Variants in UBE3B observed in about 807,000 individuals in gnomAD.
UBE3B encodes the protein ubiquitin protein ligase E3B, also known as ubiquitin-protein ligase E3B.
A neutral mutation model predicts 132.3 loss-of-function variants in UBE3B; 80 were observed. That is an observed-to-expected ratio of 0.60 (90% CI 0.50 to 0.73). The LOEUF (loss-of-function observed/expected upper bound fraction) is 0.73. UBE3B is among the 30% of genes least tolerant of loss of function. The pLI is 0.00. For synonymous variants in UBE3B, 487 were observed against 520.4 expected (o/e 0.94, Z 0.87); for missense variants, 1,196 against 1,362.5 (o/e 0.88, Z 1.92).
intron 8 of UBE3B, chr12:109,490,531 T>C: frequency 6.5e-7 from 1 of 1,536,078 alleles, no homozygotes; most frequent in Non-Finnish European, 8.7e-7. Context: ...CATATGCTCC[T>C]CACAACAACC....
intron 8 of UBE3B, 104 bp from the exon 9 acceptor site, chr12:109,490,941 A>G: frequency 7.8e-7 from 1 of 1,279,060 alleles, no homozygotes. Context: ...GGCTCACAAT[A>G]CAGTTTTTTT....
intron 27 of UBE3B, chr12:109,533,904 G>A (rs1301746677): frequency 7.5e-7 from 1 of 1,333,466 alleles, no homozygotes; most frequent in African/African-American, 1.5e-5. Flanking sequence ...GTGGGCTCAG[G>A]AGGCAGGCAG....
Position 109,534,789 on chromosome 12 carries a change from T to C in UBE3B, c.*7T>C. 6.7e-7 allele frequency: 1 copy of C among 1,498,104 alleles called. No individual in the cohort carries two copies. Among genetic ancestry groups the C allele is most frequent in the Non-Finnish European group, 8.9e-7 (1 of 1,121,772 alleles). 92.8% of individuals were successfully genotyped at this position (1,498,104 alleles called of 1,614,324 possible). On this transcript the variant is annotated 3_prime_UTR_variant, in exon 28 of 28. Transcript: ENST00000342494. The surrounding 1 kb of genome is among the most constrained non-coding windows in gnomAD (Gnocchi z 5.2). The stretch of plus-strand genomic sequence containing the variant: ...GGGCTTTGAACTCTCCTAGCTCCTG[T>C]CCCAGCCCTGCCTCCAGGGCTCCTG...
At chr12:109,497,748 G>T in intron 9 of UBE3B, 70 bp from the exon 10 acceptor site, 2 of 1,454,872 alleles carry the variant, frequency 1.4e-6, no homozygotes, top group Non-Finnish European at 1.9e-6. Context: ...TGAGCACGTT[G>T]GTGGGGTTGT....
rs1881988382 is a variant in UBE3B, at chr12:109,523,856, T to C, written c.2365-122T>C. On this transcript the variant is annotated intron_variant, in intron 21 of 27. Coordinates refer to ENST00000342494, the MANE Select transcript of UBE3B (RefSeq NM_130466.4). The stretch of plus-strand genomic sequence containing the variant: ...AGATACTGCCCTCCGGATTGGAAAC[T>C]TAGGAGGGGCCTGGAAATGCCGATG... 2.8e-6 allele frequency: 4 copies of C among 1,431,512 alleles called. No homozygotes were observed. In the South Asian group the frequency reaches 3.9e-5, roughly 14 times the overall value. 88.7% of individuals were successfully genotyped at this position (1,431,512 alleles called of 1,614,324 possible).
intron 27 of UBE3B, 87 bp downstream of exon 27, chr12:109,533,645 TC>T: frequency 7.8e-7 from 1 of 1,279,806 alleles, no homozygotes; most frequent in Non-Finnish European, 1.1e-6. Flanking sequence ...CCTTATCTAG[TC>T]CATATCTCAG....
intron 13 of UBE3B, among the ~76,000 whole-genome samples, chr12:109,502,682 C>T (rs1157415705): frequency 6.6e-6 from 1 of 152,016 alleles, no homozygotes; most frequent in Admixed American, 6.6e-5. Context: ...AGGGCCCCTG[C>T]CTTTGCCCCT....
chr12:109,494,263 A>C (rs190437547), intron 9 of UBE3B, among the ~76,000 whole-genome samples: 5 of 152,324 alleles, frequency 3.3e-5, no homozygotes, highest in African/African-American at 7.2e-5. Context: ...CTTTCTTCTT[A>C]TTCTTTGTAC....
At chr12:109,530,173 C>T in intron 25 of UBE3B, 101 bp downstream of exon 25, 1 of 1,343,352 alleles carries the variant, frequency 7.4e-7, no homozygotes. Flanking sequence ...AGGAGCCTGT[C>T]TCCAGATCTC....
At chr12:109,506,037 G>A (rs1879625349) in intron 14 of UBE3B, among the ~76,000 whole-genome samples, 1 of 152,156 alleles carries the variant, frequency 6.6e-6, no homozygotes, top group Non-Finnish European at 1.5e-5. Flanking sequence ...CCCGTGATGT[G>A]GCCTGTGTGT....
Position 109,535,815 on chromosome 12 carries a change from T to G in UBE3B, c.*1033T>G, listed in dbSNP as rs1197908696. On this transcript the variant is annotated 3_prime_UTR_variant, in exon 28 of 28. Transcript: ENST00000342494. ...GGCTCACACCCTCTGGGTTTTTTGT[T>G]TTTTTTTTAAACTTCATTTCTCTTC... The G allele has an allele frequency of 1.3e-5, 2 of 151,550 alleles. No individual in the cohort carries two copies. Among genetic ancestry groups the G allele is most frequent in the Non-Finnish European group, 2.9e-5 (2 of 67,868 alleles). The allele number at this position is 151,550 out of a possible 1,614,324, so 9.4% of individuals were successfully genotyped here.
intron 23 of UBE3B, among the ~76,000 whole-genome samples, chr12:109,524,996 T>C (rs1485110415): frequency 6.6e-6 from 1 of 152,012 alleles, no homozygotes; most frequent in Non-Finnish European, 1.5e-5. Context: ...CCGCGCCCTT[T>C]GATTGTGTCC....
intron 24 of UBE3B, 98 bp downstream of exon 24, chr12:109,526,514 A>C: frequency 8.1e-7 from 1 of 1,238,526 alleles, no homozygotes; most frequent in Non-Finnish European, 1.2e-6. Flanking sequence ...AGATTGAAGT[A>C]GAAAGAGGCC....
intron 16 of UBE3B, 150 bp downstream of exon 16, chr12:109,509,864 C>T: frequency 1.7e-6 from 1 of 581,974 alleles, no homozygotes; most frequent in South Asian, 2.6e-5. Flanking sequence ...TTTCTTTCTT[C>T]ACTCTCTGTG....
intron 11 of UBE3B, among the ~76,000 whole-genome samples, chr12:109,499,134 T>C (rs1257876476): frequency 6.6e-6 from 1 of 151,960 alleles, no homozygotes; most frequent in African/African-American, 2.4e-5. Context: ...TCATGAGGAG[T>C]TTCTGGTGCG....
At chr12:109,480,494 T>C (rs1357226362) in intron 1 of UBE3B, among the ~76,000 whole-genome samples, 2 of 151,840 alleles carry the variant, frequency 1.3e-5, no homozygotes, top group Non-Finnish European at 2.9e-5. Flanking sequence ...CTACAAAAAA[T>C]TTAAAAACTA....
chr12:109,481,225 G>A (rs1293206450), intron 1 of UBE3B, among the ~76,000 whole-genome samples: 1 of 151,710 alleles, frequency 6.6e-6, no homozygotes, highest in Non-Finnish European at 1.5e-5. Flanking sequence ...GCTGAAGCAG[G>A]AGAATCGCTT....
At chr12:109,488,086 C>T (rs1315810264) in intron 6 of UBE3B, among the ~76,000 whole-genome samples, 1 of 152,208 alleles carries the variant, frequency 6.6e-6, no homozygotes. Flanking sequence ...TTTCTCACAA[C>T]AACCCTATGA....
intron 16 of UBE3B, 57 bp from the exon 17 acceptor site, chr12:109,510,287 C>A (rs1880199918): frequency 7.3e-7 from 1 of 1,361,404 alleles, no homozygotes; most frequent in Non-Finnish European, 1.0e-6. Flanking sequence ...GAGCTGTCCT[C>A]CCCTTGCTCT....
Sources: gnomAD v4.1 joint callset for allele counts (sites outside exome capture counted in the v4.1 genomes callset) on GRCh38, gnomAD v4.1.1 for gene constraint, Gnocchi (gnomAD v3.1) non-coding constraint, MANE v1.5 for transcripts, NCBI Gene and HGNC (gene_info 2026-07-23, HGNC 2026-07-21) for gene names.